The following CLCA1 variants were observed in gnomAD, a reference collection of about 807,000 sequenced individuals.
The protein encoded by CLCA1 is chloride channel accessory 1, also known as calcium-activated chloride channel regulator 1.
Under a neutral mutation model 85.6 loss-of-function variants are expected in CLCA1, and 59 were observed. The ratio of observed to expected loss-of-function variants is 0.69; its 90% CI spans 0.56 to 0.86. The LOEUF (loss-of-function observed/expected upper bound fraction) is 0.86, where lower values mean the gene tolerates loss of function less well. Among genes scored for constraint, CLCA1 ranks in the 40% least tolerant of loss-of-function variants. CLCA1 has a pLI of 0.00. For missense variants in CLCA1, 1,022 were observed against 1,101.4 expected, an observed-to-expected ratio of 0.93 and a Z score of 1.02; for synonymous variants, 396 against 398.3, an observed-to-expected ratio of 0.99 and a Z score of 0.07.
chr1:86,500,064 T>A lies in CLCA1; in HGVS notation c.*19T>A, dbSNP rs373366751. 8 of 1,506,316 alleles carry A rather than the reference T, an allele frequency of 5.3e-6. No individual in the cohort carries two copies. Among genetic ancestry groups the A allele is most frequent in the Non-Finnish European group, 7.2e-6 (8 of 1,107,078 alleles). The allele number at this position is 1,506,316 out of a possible 1,614,324, so 93.3% of individuals were successfully genotyped here. On this transcript the variant is annotated 3_prime_UTR_variant, in exon 14 of 14. Coordinates refer to ENST00000394711, the MANE Select transcript of CLCA1 (RefSeq NM_001285.4). ...AGCCTAGGGCTGAATTTTTGTCAGA[T>A]AAATAAAATAAATCATTCATCCTTT... is the stretch of plus-strand genomic sequence containing the variant.
intron 7 of CLCA1, among the ~76,000 whole-genome samples, chr1:86,488,160 A>T (rs558058956): frequency 6.6e-6 from 1 of 152,320 alleles, no homozygotes; most frequent in East Asian, 1.9e-4. Context: ...CCTTTGGAAG[A>T]TGCCTTCTTA....
chr1:86,479,716 T>C (rs181480364), intron 4 of CLCA1, among the ~76,000 whole-genome samples: 1 of 152,190 alleles, frequency 6.6e-6, no homozygotes, highest in Admixed American at 6.5e-5. Context: ...AAACCCTGTC[T>C]CTACTAAAAA....
intron 1 of CLCA1, among the ~76,000 whole-genome samples, chr1:86,472,224 G>A (rs759422326): frequency 1.3e-5 from 2 of 151,912 alleles, no homozygotes; most frequent in Non-Finnish European, 2.9e-5. Flanking sequence ...CCACTCTTAC[G>A]GAGCTGCTGT....
At chr1:86,474,738 GATAA>G (rs1483534634) in intron 3 of CLCA1, among the ~76,000 whole-genome samples, 2 of 151,996 alleles carry the variant, frequency 1.3e-5, no homozygotes, top group African/African-American at 4.8e-5. Flanking sequence ...AAACTCCAAT[GATAA>G]ATAAACTTTA....
intron 1 of CLCA1, 39 bp downstream of exon 1, chr1:86,469,172 G>T (rs1476467925): frequency 1.4e-6 from 2 of 1,474,354 alleles, no homozygotes; most frequent in Admixed American, 3.7e-5. Context: ...TTTAAAAATA[G>T]CATAATGTTG....
At position 86,473,505 on chromosome 1, in the gene CLCA1, C is replaced by T; in HGVS notation, c.251C>T (p.Thr84Ile). 6.2e-7 allele frequency: 1 copy of T among 1,611,770 alleles called. No homozygotes were observed. Among genetic ancestry groups the T allele is most frequent in the Non-Finnish European group, 8.5e-7 (1 of 1,178,214 alleles). The change falls in exon 2 of 14, where the codon ACA (threonine) becomes ATA (isoleucine). Residue 84 changes from threonine (T) to isoleucine (I), a missense_variant. By Grantham distance (89) the Thr-to-Ile change is moderately conservative. Transcript: ENST00000394711. ...AATGTTGCCATTTTGATTCCTGAAA[C>T]ATGGAAGACAAAGGCTGACTATGTG... ...FKNVAILIPETWKTKADYVRP... is the reference protein window; with the variant it reads ...FKNVAILIPEIWKTKADYVRP...
At position 86,469,095 on chromosome 1, in the gene CLCA1, A is replaced by G. The variant is rs1558129976; in HGVS notation, c.124A>G (p.Asn42Asp). The change falls in exon 1 of 14, where the codon AAT becomes GAT. Residue 42 changes from asparagine (N) to aspartate (D), a missense_variant. Coordinates refer to ENST00000394711, the MANE Select transcript of CLCA1 (RefSeq NM_001285.4). Reference sequence around the variant, plus strand: ...AGGCATTGTCGTTGCAATCGACCCCAATGTGCCAGAAGATGAAACACTCAT... The same window carrying G: ...AGGCATTGTCGTTGCAATCGACCCCGATGTGCCAGAAGATGAAACACTCAT... ...YEGIVVAIDP[N>D]VPEDETLIQQ... is the part of the protein sequence containing the mutation. 11 of 1,610,848 alleles carry G rather than the reference A, an allele frequency of 6.8e-6. No homozygotes were observed. The highest frequency in any genetic ancestry group is 2.2e-5 in the South Asian group (2 of 90,240).
At chr1:86,496,241 T>G (rs1417404631) in intron 12 of CLCA1, among the ~76,000 whole-genome samples, 1 of 152,248 alleles carries the variant, frequency 6.6e-6, no homozygotes. Context: ...TTGAAGCATT[T>G]CTAATTTATC....
chr1:86,498,593 C>T lies in CLCA1; in HGVS notation c.2135C>T (p.Pro712Leu), dbSNP rs191630058. The T allele has an allele frequency of 6.9e-5, 111 of 1,613,446 alleles. No individual in the cohort carries two copies. In the East Asian group the frequency reaches 9.4e-4, roughly 14 times the overall value. Reference sequence around the variant, plus strand: ...GCAGATGAAATACAATGGAATCCACCAAGACCTGAAATTAATAAGGATGAT... The same window carrying T: ...GCAGATGAAATACAATGGAATCCACTAAGACCTGAAATTAATAAGGATGAT... ...IENDEIQWNP[P>L]RPEINKDDVQ... is the part of the protein sequence containing the mutation. The change falls in exon 13 of 14, where the codon CCA becomes CTA. Residue 712 changes from proline to leucine, a missense_variant. Coordinates refer to ENST00000394711, the MANE Select transcript of CLCA1 (RefSeq NM_001285.4).
rs748329812 is a variant in CLCA1, at chr1:86,476,477, C to T, written c.481C>T (p.Leu161=). 1 of 1,603,748 alleles carries T rather than the reference C, an allele frequency of 6.2e-7. No homozygotes were observed. Among genetic ancestry groups the T allele is most frequent in the East Asian group, 2.2e-5 (1 of 44,800 alleles). Residue 161 remains leucine (L), a synonymous_variant, in exon 4 of 14, where the codon CTA becomes TTA. Coordinates refer to ENST00000394711, the MANE Select transcript of CLCA1 (RefSeq NM_001285.4). The part of the protein sequence containing the change: ...GRAFVHEWAH[L]RWGVFDEYNN... ...GGCATTTGTCCATGAGTGGGCTCAT[C>T]TACGATGGGGAGTATTTGACGAGTA... is the stretch of plus-strand genomic sequence containing the variant.
Position 86,473,752 on chromosome 1 carries a change from T to C in CLCA1, c.327T>C (p.Ser109=). The C allele has an allele frequency of 1.3e-6, 2 of 1,589,010 alleles. No individual in the cohort carries two copies. The highest frequency in any genetic ancestry group is 1.7e-6 in the Non-Finnish European group (2 of 1,168,394). ...YKNADVLVAE[S]TPPGNDEPYT... ...AGGCTGATGTTCTGGTTGCTGAGTC[T>C]ACTCCTCCAGGTAATGATGAACCCT... Residue 109 remains serine, a synonymous_variant, in exon 3 of 14, where the codon TCT becomes TCC. Transcript: ENST00000394711.
chr1:86,482,336 G>A lies in CLCA1; in HGVS notation c.689G>A (p.Arg230His), dbSNP rs373539421. 2.0e-5 allele frequency: 33 copies of A among 1,613,904 alleles called. No individual in the cohort carries two copies. The African/African-American group carries it at 2.1e-4, about 10-fold the overall frequency. The change falls in exon 5 of 14, where the codon CGC becomes CAC. Residue 230 changes from arginine to histidine, a missense_variant. Transcript: ENST00000394711. ...GGATGTGAGTTTGTTCTCCAATCCC[G>A]CCAGACGGAGAAGGCTTCTATAATG... is the stretch of plus-strand genomic sequence containing the variant. ...EKGCEFVLQS[R>H]QTEKASIMFA...
At position 86,486,712 on chromosome 1, in the gene CLCA1, G is replaced by T; in HGVS notation, c.1141G>T (p.Gly381Ter). The change falls in exon 7 of 14, where the codon GGA becomes TGA. Residue 381 changes from glycine to a stop codon, truncating the protein, a stop_gained. Coordinates refer to ENST00000394711, the MANE Select transcript of CLCA1 (RefSeq NM_001285.4). LOFTEE classifies it high-confidence loss of function. ...CAAAAGATTACCTGCAGCAGCTTCA[G>T]GAGGGACGTCCATCTGCAGCGGGCT... ...LAKRLPAAASGGTSICSGLRS... is the reference protein window; with the variant it reads ...LAKRLPAAAS The T allele has an allele frequency of 2.5e-6, 4 of 1,614,212 alleles. No individual in the cohort carries two copies. The highest frequency in any genetic ancestry group is 3.4e-6 in the Non-Finnish European group (4 of 1,180,038).
intron 12 of CLCA1, among the ~76,000 whole-genome samples, chr1:86,497,992 A>G (rs572825270): frequency 4.5e-4 from 68 of 152,080 alleles, no homozygotes; most frequent in Non-Finnish European, 8.2e-4. Flanking sequence ...AAAATACAAA[A>G]ATTAGCTCGG....
At position 86,473,527 on chromosome 1, in the gene CLCA1, T is replaced by G. The variant is rs373779478; in HGVS notation, c.273T>G (p.Tyr91Ter). The change falls in exon 2 of 14, where the codon TAT becomes TAG. Residue 91 changes from tyrosine (Y) to a stop codon, truncating the protein, a stop_gained. Transcript: ENST00000394711. LOFTEE classifies it high-confidence loss of function. ...IPETWKTKAD[Y>*]VRPKLETYKN... ...AAACATGGAAGACAAAGGCTGACTA[T>G]GTGAGACCAAAACTTGAGACCTACA... is the stretch of plus-strand genomic sequence containing the variant. 14 of 1,608,694 alleles carry G rather than the reference T, an allele frequency of 8.7e-6. No homozygotes were observed. Among genetic ancestry groups the G allele is most frequent in the Non-Finnish European group, 1.2e-5 (14 of 1,177,406 alleles).
chr1:86,477,796 A>C (rs755765696), intron 4 of CLCA1, among the ~76,000 whole-genome samples: 1 of 152,222 alleles, frequency 6.6e-6, no homozygotes, highest in South Asian at 2.1e-4. Flanking sequence ...GTTCCAATAG[A>C]TTCTCAAAAG....
intron 10 of CLCA1, among the ~76,000 whole-genome samples, 187 bp downstream of exon 10, chr1:86,493,786 A>G (rs950427523): frequency 6.6e-6 from 1 of 152,216 alleles, no homozygotes; most frequent in African/African-American, 2.4e-5. Context: ...GTAAAGACAA[A>G]GGAAATAGGT....
intron 5 of CLCA1, among the ~76,000 whole-genome samples, chr1:86,484,794 G>A (rs1373066539): frequency 1.3e-5 from 2 of 152,294 alleles, no homozygotes; most frequent in Non-Finnish European, 2.9e-5. Context: ...TGGTGATGGG[G>A]TGCATAGTGG....
chr1:86,483,004 C>G (rs1025785894), intron 5 of CLCA1, among the ~76,000 whole-genome samples: 7 of 152,094 alleles, frequency 4.6e-5, no homozygotes, highest in African/African-American at 7.2e-5. Flanking sequence ...AGTTAACTGA[C>G]TTCAGTGGGA....
Sources: allele counts gnomAD v4.1 joint callset (sites outside exome capture counted in the v4.1 genomes callset), GRCh38; gene constraint gnomAD v4.1.1; transcripts MANE v1.5; gene names NCBI Gene and HGNC (gene_info 2026-07-23, HGNC 2026-07-21).